PTPRD: variants seen among roughly 807,000 people sequenced by gnomAD.
The protein encoded by PTPRD is protein tyrosine phosphatase receptor type D.
A neutral mutation model predicts 214.5 loss-of-function variants in PTPRD; 34 were observed. That is an observed-to-expected ratio of 0.16 (90% CI 0.12 to 0.21). PTPRD has a LOEUF of 0.21. PTPRD is among the 10% of genes least tolerant of loss of function. The pLI, the probability that PTPRD is intolerant of heterozygous loss-of-function variation, is 1.00. For synonymous variants in PTPRD, 1,128 were observed against 845.7 expected (o/e 1.33, Z -5.79); for missense variants, 2,545 against 2,398.7 (o/e 1.06, Z -1.27).
At chr9:8,687,296 A>C (rs1000223078) in intron 12 of PTPRD, among the ~76,000 whole-genome samples, 2 of 152,234 alleles carry the variant, frequency 1.3e-5, no homozygotes, top group Non-Finnish European at 2.9e-5. Context: ...CTATGTTAAA[A>C]TTTGTGATGG....
At chr9:10,204,277 G>GA (rs1005881842) in intron 3 of PTPRD, among the ~76,000 whole-genome samples, 20 of 151,490 alleles carry the variant, frequency 1.3e-4, no homozygotes, top group Admixed American at 2.6e-4. Flanking sequence ...TATGTGTTCT[G>GA]AAAAAAAACA....
At chr9:10,103,408 T>G (rs1442702109) in intron 3 of PTPRD, among the ~76,000 whole-genome samples, 1 of 146,700 alleles carries the variant, frequency 6.8e-6, no homozygotes, top group Non-Finnish European at 1.5e-5. Context: ...TTTAAGAGCA[T>G]TGCAGTAAGA....
chr9:9,257,534 A>G (rs769277172), intron 9 of PTPRD, among the ~76,000 whole-genome samples: 10 of 151,962 alleles, frequency 6.6e-5, no homozygotes, highest in Non-Finnish European at 8.8e-5. Context: ...GCTCATGTCT[A>G]TGATTCCAGC....
chr9:10,189,141 A>T (rs1281477815), intron 3 of PTPRD, among the ~76,000 whole-genome samples: 1 of 152,144 alleles, frequency 6.6e-6, no homozygotes, highest in African/African-American at 2.4e-5. Flanking sequence ...AAGTTCTATG[A>T]ATAAATGCTT....
chr9:9,628,441 C>G (rs958187056), intron 7 of PTPRD, among the ~76,000 whole-genome samples: 8 of 152,126 alleles, frequency 5.3e-5, no homozygotes, highest in Non-Finnish European at 8.8e-5. Flanking sequence ...AGAATCCATT[C>G]TGATGATTTC....
At chr9:9,088,866 A>G (rs2099771464) in intron 10 of PTPRD, among the ~76,000 whole-genome samples, 1 of 152,184 alleles carries the variant, frequency 6.6e-6, no homozygotes, top group Admixed American at 6.5e-5. Context: ...TAATGTCTGT[A>G]GTCTCTGTTT....
chr9:10,151,419 C>A (rs149312128), intron 3 of PTPRD, among the ~76,000 whole-genome samples: 3,479 of 149,550 alleles, frequency 0.023, 53 homozygotes, highest in South Asian at 0.042. Flanking sequence ...CATGCCACCA[C>A]GCCCTGCTAA....
chr9:10,082,644 A>G (rs980510389), intron 3 of PTPRD, among the ~76,000 whole-genome samples: 3 of 152,010 alleles, frequency 2.0e-5, no homozygotes, highest in African/African-American at 7.2e-5. Context: ...AAAGTAACTC[A>G]AAAATGATGC....
At chr9:9,944,274 C>T (rs2092190594) in intron 4 of PTPRD, among the ~76,000 whole-genome samples, 1 of 152,156 alleles carries the variant, frequency 6.6e-6, no homozygotes, top group African/African-American at 2.4e-5. Context: ...AACAATCTGT[C>T]TCAGTCCACC....
At chr9:8,820,275 A>G (rs1264967856) in intron 11 of PTPRD, among the ~76,000 whole-genome samples, 1 of 152,148 alleles carries the variant, frequency 6.6e-6, no homozygotes, top group Non-Finnish European at 1.5e-5. Flanking sequence ...AATTTAATGA[A>G]AGGTCACTCA....
At chr9:9,365,971 C>T (rs1454840481) in intron 9 of PTPRD, among the ~76,000 whole-genome samples, 2 of 151,392 alleles carry the variant, frequency 1.3e-5, no homozygotes, top group South Asian at 2.1e-4. Flanking sequence ...TGGATCTTTG[C>T]AGATATTAAA....
intron 9 of PTPRD, among the ~76,000 whole-genome samples, chr9:9,245,738 G>A (rs2099972782): frequency 6.6e-6 from 1 of 152,128 alleles, no homozygotes; most frequent in Non-Finnish European, 1.5e-5. Flanking sequence ...CCTGCACGTT[G>A]TGCACATGTA....
intron 11 of PTPRD, among the ~76,000 whole-genome samples, chr9:8,925,445 A>T (rs1387017710): frequency 1.3e-5 from 2 of 152,128 alleles, no homozygotes; most frequent in Non-Finnish European, 2.9e-5. Context: ...TTTCTGAAAC[A>T]TAAGACACAG....
intron 27 of PTPRD, among the ~76,000 whole-genome samples, chr9:8,488,981 T>C (rs1210892141): frequency 6.6e-6 from 1 of 152,232 alleles, no homozygotes; most frequent in Non-Finnish European, 1.5e-5. Flanking sequence ...CATAATAATA[T>C]ATACACCGTG....
At chr9:10,435,751 G>T (rs745731172) in intron 2 of PTPRD, among the ~76,000 whole-genome samples, 6 of 151,740 alleles carry the variant, frequency 4.0e-5, no homozygotes, top group Non-Finnish European at 7.4e-5. Flanking sequence ...TTTAATGAGG[G>T]TTACACATTT....
intron 5 of PTPRD, among the ~76,000 whole-genome samples, chr9:9,781,824 GCT>G (rs1371506063): frequency 4.9e-4 from 71 of 143,638 alleles, no homozygotes; most frequent in African/African-American, 1.8e-3. Flanking sequence ...ACGGAGTCTC[GCT>G]CTGTCGCCCA....
intron 12 of PTPRD, among the ~76,000 whole-genome samples, chr9:8,653,582 A>G (rs576305350): frequency 6.6e-6 from 1 of 152,182 alleles, no homozygotes; most frequent in African/African-American, 2.4e-5. Context: ...AGAAATCACA[A>G]CACTGTAAGG....
intron 8 of PTPRD, among the ~76,000 whole-genome samples, chr9:9,466,016 T>C (rs906590715): frequency 4.6e-5 from 7 of 152,156 alleles, no homozygotes; most frequent in Admixed American, 4.6e-4. Flanking sequence ...CACTACAATA[T>C]AAAATCTAGT....
At chr9:9,428,663 C>A (rs1245294233) in intron 8 of PTPRD, among the ~76,000 whole-genome samples, 1 of 152,140 alleles carries the variant, frequency 6.6e-6, no homozygotes, top group African/African-American at 2.4e-5. Context: ...GTAAAGCACT[C>A]CTCAGAAAAT....
Sources: gnomAD v4.1 joint callset for allele counts (sites outside exome capture counted in the v4.1 genomes callset) on GRCh38, gnomAD v4.1.1 for gene constraint, MANE v1.5 for transcripts, NCBI Gene and HGNC (gene_info 2026-07-23, HGNC 2026-07-21) for gene names.